EFCAB8: variants seen among roughly 807,000 people sequenced by gnomAD.
EFCAB8 encodes the protein EF-hand calcium binding domain 8.
A neutral mutation model predicts 116.3 loss-of-function variants in EFCAB8; 100 were observed. That is an observed-to-expected ratio of 0.86 (90% confidence interval 0.73 to 1.02). The LOEUF (loss-of-function observed/expected upper bound fraction) is 1.02, where lower values mean the gene tolerates loss of function less well. EFCAB8 is among the 50% of genes least tolerant of loss of function. The probability of loss-of-function intolerance (pLI) is 0.00; values close to 1 mark genes in which losing one functional copy is unlikely to be tolerated. For missense variants in EFCAB8, 1,320 were observed against 1,416.9 expected (o/e 0.93, Z 1.10); for synonymous variants, 558 against 567.9 (o/e 0.98, Z 0.25).
At chr20:32,954,165 G>A (rs1988889602) in intron 23 of EFCAB8, among the ~76,000 whole-genome samples, 1 of 151,980 alleles carries the variant, frequency 6.6e-6, no homozygotes, top group Non-Finnish European at 1.5e-5. Context: ...TGCTTTCATT[G>A]CCTGTTTTTT....
chr20:32,932,150 T>G (rs1987933706), intron 22 of EFCAB8, among the ~76,000 whole-genome samples: 1 of 152,012 alleles, frequency 6.6e-6, no homozygotes, highest in Non-Finnish European at 1.5e-5. Flanking sequence ...AGGCCAAGGC[T>G]GGTGGATCAT....
intron 17 of EFCAB8, among the ~76,000 whole-genome samples, chr20:32,913,966 C>T (rs1290109908): frequency 2.6e-5 from 4 of 152,272 alleles, no homozygotes; most frequent in Non-Finnish European, 5.9e-5. Flanking sequence ...GGCAGCCCTA[C>T]ACCTACAGAT....
chr20:32,866,312 TC>T (rs1242232275), intron 2 of EFCAB8, among the ~76,000 whole-genome samples: 1 of 152,188 alleles, frequency 6.6e-6, no homozygotes, highest in African/African-American at 2.4e-5. Context: ...TAAAGTGTTT[TC>T]AACTTCCCAA....
Position 32,860,493 on chromosome 20 carries a change from C to CT in EFCAB8, c.-11+1518dup, listed in dbSNP as rs71190881. ...TTTGTTCCATCGCTGATGGTGGTAACTTTTTTTTTTTTTTTTTTTTTTTTT... is the reference window on the plus strand; with the variant it reads ...TTTGTTCCATCGCTGATGGTGGTAACTTTTTTTTTTTTTTTTTTTTTTTTTT... On this transcript the variant is annotated intron_variant, in intron 1 of 26. Coordinates refer to ENST00000400522, the MANE Select transcript of EFCAB8 (RefSeq NM_001143967.2). 9.2e-3 allele frequency among the ~76,000 whole-genome samples: 774 copies of CT among 83,948 alleles called. 88 individuals are homozygous for CT. The highest frequency in any genetic ancestry group is 0.014 in the African/African-American group (179 of 12,800). The allele number at this position is 83,948 out of a possible 152,430, so 55.1% of individuals were successfully genotyped here.
At chr20:32,889,483 G>A (rs1031711669) in intron 7 of EFCAB8, 77 bp downstream of exon 7, 1 of 1,394,564 alleles carries the variant, frequency 7.2e-7, no homozygotes, top group Admixed American at 2.0e-5. Flanking sequence ...AAGTCTGTTG[G>A]CTGAGCAACT....
At chr20:32,863,628 A>G (rs1984239301) in intron 1 of EFCAB8, among the ~76,000 whole-genome samples, 155 bp from the exon 2 acceptor site, 1 of 152,200 alleles carries the variant, frequency 6.6e-6, no homozygotes. Flanking sequence ...AGGAATGCTC[A>G]TCCACTGCTC....
chr20:32,960,251 C>T, intron 26 of EFCAB8, 90 bp downstream of exon 26: 1 of 1,198,008 alleles, frequency 8.3e-7, no homozygotes, highest in Non-Finnish European at 1.2e-6. Flanking sequence ...GCCCACACAG[C>T]CCTTCAGTGA....
intron 1 of EFCAB8, among the ~76,000 whole-genome samples, chr20:32,863,011 ATTT>A (rs11478583): frequency 6.7e-6 from 1 of 148,398 alleles, no homozygotes; most frequent in African/African-American, 2.5e-5. Context: ...TTTGCTGCCA[ATTT>A]TTTTTTTTTT....
At chr20:32,901,441 G>A (rs1054646418) in intron 11 of EFCAB8, among the ~76,000 whole-genome samples, 1 of 152,204 alleles carries the variant, frequency 6.6e-6, no homozygotes, top group East Asian at 1.9e-4. Flanking sequence ...AGTTGGACAA[G>A]CTTGGTGTAT....
chr20:32,875,503 T>C (rs968352960), intron 3 of EFCAB8, among the ~76,000 whole-genome samples: 2 of 98,116 alleles, frequency 2.0e-5, no homozygotes, highest in East Asian at 4.2e-4. Context: ...AACATGGTGG[T>C]TTTTTTTTTT....
chr20:32,961,164 A>G lies in EFCAB8; in HGVS notation c.3422A>G (p.His1141Arg), dbSNP rs2146309901. The change falls in exon 27 of 27, where the codon CAC (histidine) becomes CGC (arginine). Residue 1141 changes from histidine (H) to arginine (R), a missense_variant. Coordinates refer to ENST00000400522, the MANE Select transcript of EFCAB8 (RefSeq NM_001143967.2). ...TCGCCTCAGGTCTACCAAAGCCTGC[A>G]CTTCAGTGATCTGATGCCGACTCAG... Reference protein sequence around the residue: ...QISPQVYQSLHFSDLMPTQQP... With the variant: ...QISPQVYQSLRFSDLMPTQQP... 1 of 1,552,204 alleles carries G rather than the reference A, an allele frequency of 6.4e-7. No individual in the cohort carries two copies. The highest frequency in any genetic ancestry group is 8.7e-7 in the Non-Finnish European group (1 of 1,147,094).
chr20:32,869,848 C>A (rs1183717053), intron 3 of EFCAB8, among the ~76,000 whole-genome samples: 1 of 152,176 alleles, frequency 6.6e-6, no homozygotes, highest in East Asian at 1.9e-4. Context: ...TCCAAGTCAT[C>A]ATTACTAACA....
rs376929580 is a variant in EFCAB8 at position 32,878,796 on chromosome 20, G to A, written c.420G>A (p.Thr140=). The change falls in exon 5 of 27, where the codon ACG becomes ACA. Residue 140 remains threonine, a synonymous_variant. Transcript: ENST00000400522. ...GCCTGCACTTCTACCTTCCCATGACGGTCGTCCCCCTGTAAGGAGCCTCTT... is the reference window on the plus strand; with the variant it reads ...GCCTGCACTTCTACCTTCCCATGACAGTCGTCCCCCTGTAAGGAGCCTCTT... The part of the protein sequence containing the change: ...QYRLHFYLPM[T]VVPLNHGCEV... The A allele has an allele frequency of 4.5e-6, 7 of 1,551,988 alleles. No individual in the cohort carries two copies. The African/African-American group carries it at 5.5e-5, about 12-fold the overall frequency.
intron 17 of EFCAB8, among the ~76,000 whole-genome samples, chr20:32,915,796 C>T (rs1048792918): frequency 1.3e-5 from 2 of 151,786 alleles, no homozygotes; most frequent in East Asian, 1.9e-4. Flanking sequence ...TTCTGCTTCC[C>T]GGGTAGCTGG....
At chr20:32,877,716 G>C (rs531922385) in intron 4 of EFCAB8, among the ~76,000 whole-genome samples, 1 of 152,338 alleles carries the variant, frequency 6.6e-6, no homozygotes, top group South Asian at 2.1e-4. Context: ...CCAGCAGCTG[G>C]GCAGTGGAAT....
At chr20:32,937,833 G>A (rs1262306822) in intron 22 of EFCAB8, among the ~76,000 whole-genome samples, 2 of 149,396 alleles carry the variant, frequency 1.3e-5, no homozygotes, top group Non-Finnish European at 3.0e-5. Flanking sequence ...TGGCTAGGCT[G>A]GTCTCGAACT....
chr20:32,863,099 C>T (rs1159089004), intron 1 of EFCAB8, among the ~76,000 whole-genome samples: 5 of 151,960 alleles, frequency 3.3e-5, no homozygotes, highest in Non-Finnish European at 5.9e-5. Context: ...CTCAGTTGGT[C>T]TGCCCCCTGT....
At chr20:32,911,926 A>G (rs1460295798) in intron 16 of EFCAB8, among the ~76,000 whole-genome samples, 2 of 152,224 alleles carry the variant, frequency 1.3e-5, no homozygotes, top group Non-Finnish European at 2.9e-5. Context: ...AAGGTTAGCT[A>G]CTGTTGCTCT....
Position 32,930,459 on chromosome 20 carries a change from T to G in EFCAB8, c.2474T>G (p.Met825Arg). The G allele has an allele frequency of 1.3e-6, 2 of 1,551,900 alleles. No homozygotes were observed. The highest frequency in any genetic ancestry group is 8.7e-7 in the Non-Finnish European group (1 of 1,147,030). ...ACGGCTGCCCTGCTGAGCAGCTGCA[T>G]GGACGGCTACATCTACGCCTGGTCC... ...PHTAALLSSC[M>R]DGYIYAWSLH... Residue 825 changes from methionine to arginine, a missense_variant, in exon 21 of 27, where the codon ATG (methionine) becomes AGG (arginine). By Grantham distance (91) the Met-to-Arg change is moderately conservative. Transcript: ENST00000400522.
Sources: gnomAD v4.1 joint callset for allele counts (sites outside exome capture counted in the v4.1 genomes callset) on GRCh38, gnomAD v4.1.1 for gene constraint, MANE v1.5 for transcripts, NCBI Gene and HGNC (gene_info 2026-07-23, HGNC 2026-07-21) for gene names.